The following FMN1 variants were observed in gnomAD, a reference collection of about 807,000 sequenced individuals.
FMN1 encodes the protein formin 1, also known as formin-1.
In FMN1, 110 loss-of-function variants were observed where a neutral mutation model predicts 132.4. The observed-to-expected ratio is 0.83, with a 90% CI of 0.71 to 0.97. The LOEUF (loss-of-function observed/expected upper bound fraction) is 0.97. FMN1 is among the 50% of genes least tolerant of loss of function. The pLI is 0.00. For synonymous variants in FMN1, 722 were observed against 651.7 expected, an observed-to-expected ratio of 1.11 and a Z score of -1.64; for missense variants, 1,792 against 1,705.3, an observed-to-expected ratio of 1.05 and a Z score of -0.90.
intron 16 of FMN1, among the ~76,000 whole-genome samples, chr15:32,885,820 T>TA (rs1331942722): frequency 1.4e-5 from 2 of 147,134 alleles, no homozygotes; most frequent in African/African-American, 2.6e-5. Flanking sequence ...TTTTTTTTTT[T>TA]AAAAGACTCT....
intron 4 of FMN1, among the ~76,000 whole-genome samples, chr15:33,119,062 G>A (rs775917124): frequency 1.3e-4 from 20 of 152,160 alleles, no homozygotes; most frequent in Non-Finnish European, 2.5e-4. Flanking sequence ...ATCAACTTAT[G>A]CGACAAAACA....
intron 4 of FMN1, chr15:33,150,110 A>G (rs1435369133): frequency 4.1e-6 from 4 of 985,358 alleles, no homozygotes; most frequent in East Asian, 2.3e-4. Context: ...ACTCAAGAGC[A>G]TACTAAAGAT....
chr15:32,827,548 C>G (rs2058397496), intron 17 of FMN1, among the ~76,000 whole-genome samples: 1 of 152,000 alleles, frequency 6.6e-6, no homozygotes, highest in Non-Finnish European at 1.5e-5. Flanking sequence ...TTTTAACGAC[C>G]CAATGAAGAA....
chr15:33,152,847 C>T (rs1964500821), intron 4 of FMN1, among the ~76,000 whole-genome samples: 1 of 146,400 alleles, frequency 6.8e-6, no homozygotes, highest in Admixed American at 6.8e-5. Context: ...AGCAACTATA[C>T]CTCTGAACCA....
chr15:32,861,600 T>C (rs2059269836), intron 16 of FMN1, among the ~76,000 whole-genome samples: 1 of 152,184 alleles, frequency 6.6e-6, no homozygotes, highest in Non-Finnish European at 1.5e-5. Flanking sequence ...CTCATAAATA[T>C]TATTTGTTAT....
At chr15:33,093,625 T>C (rs2038978509) in intron 4 of FMN1, among the ~76,000 whole-genome samples, 1 of 152,186 alleles carries the variant, frequency 6.6e-6, no homozygotes, top group Non-Finnish European at 1.5e-5. Context: ...GTAGATACAA[T>C]TCTGAGAAGG....
At chr15:32,909,290 A>G (rs1171226732) in intron 11 of FMN1, among the ~76,000 whole-genome samples, 1 of 152,242 alleles carries the variant, frequency 6.6e-6, no homozygotes, top group African/African-American at 2.4e-5. Flanking sequence ...CAACTGTTAA[A>G]GAGCTTCAGA....
intron 6 of FMN1, among the ~76,000 whole-genome samples, chr15:33,031,654 G>A (rs1021335974): frequency 2.0e-5 from 3 of 152,312 alleles, no homozygotes; most frequent in Non-Finnish European, 4.4e-5. Flanking sequence ...AGCTGAATAA[G>A]CAGCCAGATG....
At chr15:32,820,296 GA>G (rs1316456621) in intron 17 of FMN1, among the ~76,000 whole-genome samples, 1 of 152,180 alleles carries the variant, frequency 6.6e-6, no homozygotes, top group Non-Finnish European at 1.5e-5. Context: ...GGCTCAACCT[GA>G]AACTTTGCGT....
At chr15:32,875,932 G>A (rs999504132) in intron 16 of FMN1, among the ~76,000 whole-genome samples, 7 of 152,222 alleles carry the variant, frequency 4.6e-5, no homozygotes, top group African/African-American at 9.6e-5. Context: ...GGGTGATCCC[G>A]GCCATGCTGC....
chr15:32,891,946 C>T lies in FMN1; in HGVS notation c.3715-3654G>A, dbSNP rs539590972. ...TGCTAATTATTTTATCAGTTATAGGCGCTTTCTGGAGGAGTCTTTAGGGTT... is the reference window on the plus strand; with the variant it reads ...TGCTAATTATTTTATCAGTTATAGGTGCTTTCTGGAGGAGTCTTTAGGGTT... On this transcript the variant is annotated intron_variant, in intron 15 of 20. Transcript: ENST00000616417. 4.5e-4 allele frequency among the ~76,000 whole-genome samples: 68 copies of T among 152,200 alleles called. No homozygotes were observed. The South Asian group carries it at 0.012, about 27-fold the overall frequency.
chr15:33,062,659 A>G (rs1374991092), intron 6 of FMN1: 1 of 152,170 alleles, frequency 6.6e-6, no homozygotes, highest in Non-Finnish European at 1.5e-5. Flanking sequence ...AAAGAACAGT[A>G]GTCTATAATG....
Position 32,769,370 on chromosome 15 carries a change from T to A in FMN1, c.*4940A>T, listed in dbSNP as rs529543557. 1.3e-5 allele frequency: 2 copies of A among 152,300 alleles called. No homozygotes were observed. The highest frequency in any genetic ancestry group is 1.3e-4 in the Admixed American group (2 of 15,290). 9.4% of individuals were successfully genotyped at this position (152,300 alleles called of 1,614,324 possible). The stretch of plus-strand genomic sequence containing the variant: ...ATTGCCCATTCCTTGGGAAGGGAGA[T>A]GAAGAATTGTGAAACCAAAATGCAG... On this transcript the variant is annotated 3_prime_UTR_variant, in exon 21 of 21. Transcript: ENST00000616417.
chr15:33,092,638 C>A (rs1452179524), intron 4 of FMN1, among the ~76,000 whole-genome samples: 1 of 152,126 alleles, frequency 6.6e-6, no homozygotes, highest in Non-Finnish European at 1.5e-5. Context: ...TCAGTCAAAC[C>A]CAGGCCCAAT....
intron 18 of FMN1, among the ~76,000 whole-genome samples, chr15:32,803,526 CAGA>C (rs2057552691): frequency 6.6e-6 from 1 of 152,150 alleles, no homozygotes; most frequent in Admixed American, 6.5e-5. Context: ...TGAATCTGAA[CAGA>C]AGATCTCTGA....
chr15:33,112,999 T>C (rs148592357), intron 4 of FMN1, among the ~76,000 whole-genome samples: 2 of 152,346 alleles, frequency 1.3e-5, no homozygotes, highest in African/African-American at 4.8e-5. Flanking sequence ...TTGACAACAG[T>C]GTCTTCTCTA....
intron 6 of FMN1, among the ~76,000 whole-genome samples, chr15:33,034,760 T>C (rs148832068): frequency 3.5e-4 from 53 of 152,238 alleles, no homozygotes; most frequent in African/African-American, 1.2e-3. Context: ...TGTATTACCA[T>C]AATGATTTCC....
intron 4 of FMN1, among the ~76,000 whole-genome samples, chr15:33,089,280 G>T (rs574495415): frequency 6.6e-6 from 1 of 152,292 alleles, no homozygotes; most frequent in South Asian, 2.1e-4. Flanking sequence ...GGAGCTAGGG[G>T]ACAGAAGTCA....
chr15:32,860,580 G>A (rs2059246567), intron 16 of FMN1: 1 of 152,236 alleles, frequency 6.6e-6, no homozygotes, highest in South Asian at 2.1e-4. Flanking sequence ...CTGAACCCAG[G>A]GAGGTCGACA....
Sources: allele counts gnomAD v4.1 joint callset (sites outside exome capture counted in the v4.1 genomes callset), GRCh38; gene constraint gnomAD v4.1.1; transcripts MANE v1.5; gene names NCBI Gene and HGNC (gene_info 2026-07-23, HGNC 2026-07-21).